Variants in ZZEF1 observed in about 807,000 individuals in gnomAD.
The protein encoded by ZZEF1 is zinc finger ZZ-type and EF-hand domain-containing protein 1.
Under a neutral mutation model 342.8 loss-of-function variants are expected in ZZEF1, and 157 were observed. That is an observed-to-expected ratio of 0.46 (90% CI 0.40 to 0.52). The LOEUF (loss-of-function observed/expected upper bound fraction) is 0.52. Ranked by LOEUF, ZZEF1 falls within the 20% of genes least tolerant of loss-of-function variation. The pLI is 0.00. For missense variants in ZZEF1, 3,480 were observed against 3,725.6 expected (o/e 0.93, Z 1.72); for synonymous variants, 1,505 against 1,429.1 (o/e 1.05, Z -1.20).
intron 1 of ZZEF1, among the ~76,000 whole-genome samples, chr17:4,138,412 A>T (rs551064571): frequency 4.6e-5 from 7 of 152,362 alleles, no homozygotes; most frequent in Admixed American, 2.6e-4. Flanking sequence ...AGAACCTTTT[A>T]AAGTTTTCAC....
chr17:4,015,219 G>A (rs1321963160), intron 49 of ZZEF1, among the ~76,000 whole-genome samples: 4 of 152,188 alleles, frequency 2.6e-5, no homozygotes, highest in Middle Eastern at 3.2e-3. Context: ...ACCTCTTTGG[G>A]ATCGAACCTG....
At chr17:4,090,876 T>C (rs2727075) in intron 11 of ZZEF1, 46 bp from the exon 12 acceptor site, 872,382 of 1,458,848 alleles carry the variant, frequency 0.6, 267,275 homozygotes, top group East Asian at 0.71. Flanking sequence ...TTGAAACTTC[T>C]CAAGGGTCTA....
At chr17:4,101,568 T>C (rs1219739905) in intron 9 of ZZEF1, among the ~76,000 whole-genome samples, 1 of 152,006 alleles carries the variant, frequency 6.6e-6, no homozygotes, top group African/African-American at 2.4e-5. Context: ...AGGAAAAGAG[T>C]GAGGCTTCCT....
chr17:4,048,690 G>A (rs909758825), intron 37 of ZZEF1, among the ~76,000 whole-genome samples: 4 of 152,058 alleles, frequency 2.6e-5, no homozygotes, highest in African/African-American at 4.8e-5. Context: ...CCGATACAGT[G>A]TACACCATGG....
At chr17:4,042,641 C>CAGGGGACAGTGCAG in intron 38 of ZZEF1, 73 bp from the exon 39 acceptor site, 3 of 1,444,022 alleles carry the variant, frequency 2.1e-6, no homozygotes, top group South Asian at 1.3e-5. Context: ...AACCACTGCA[C>CAGGGGACAGTGCAG]TGTCCCCTGT....
intron 17 of ZZEF1, among the ~76,000 whole-genome samples, chr17:4,081,814 T>C (rs941054250): frequency 1.8e-4 from 27 of 147,610 alleles, no homozygotes; most frequent in African/African-American, 5.7e-4. Flanking sequence ...GGCTAAACGT[T>C]CCTTGTGTCT....
rs182310858 is a variant in ZZEF1, at chr17:4,016,581, C to G, written c.8002-115G>C. ...TGCTGGCATCATCTTAGACCTAGGA[C>G]GAGCCTCTGTGACTCCACCACCCAA... On this transcript the variant is annotated intron_variant, in intron 48 of 54. Transcript: ENST00000381638. The surrounding 1 kb of genome is among the most constrained non-coding windows in gnomAD (Gnocchi z 4.4). 8 of 1,316,464 alleles carry G rather than the reference C, an allele frequency of 6.1e-6. No individual in the cohort carries two copies. In the African/African-American group the frequency reaches 7.4e-5, roughly 12 times the overall value. The allele number at this position is 1,316,464 out of a possible 1,614,324, so 81.5% of individuals were successfully genotyped here.
At chr17:4,051,926 A>G in intron 35 of ZZEF1, 45 bp downstream of exon 35, 1 of 1,557,898 alleles carries the variant, frequency 6.4e-7, no homozygotes, top group Admixed American at 2.0e-5. Context: ...AAGTGAAGGA[A>G]CGTGTAAATA....
Position 4,074,359 on chromosome 17 carries a change from C to CA in ZZEF1, c.3484-9dup. 3.7e-6 allele frequency: 6 copies of CA among 1,614,100 alleles called. No individual in the cohort carries two copies. Among genetic ancestry groups the CA allele is most frequent in the Non-Finnish European group, 5.1e-6 (6 of 1,180,026 alleles). On this transcript the variant is annotated splice_polypyrimidine_tract_variant and intron_variant, in intron 23 of 54. Coordinates refer to ENST00000381638, the MANE Select transcript of ZZEF1 (RefSeq NM_015113.4). Reference sequence around the variant, plus strand: ...GGCCTTGAAGGTCACTTTCTAGAGACAAACAGAAATCATGTGGTCAGACAG... The same window carrying CA: ...GGCCTTGAAGGTCACTTTCTAGAGACAAAACAGAAATCATGTGGTCAGACAG...
Position 4,074,985 on chromosome 17 carries a change from T to C in ZZEF1, c.3483+112A>G, listed in dbSNP as rs146254076. 725 of 1,067,094 alleles carry C rather than the reference T, an allele frequency of 6.8e-4. 1 individual carries two copies. Among genetic ancestry groups the C allele is most frequent in the Admixed American group, 2.4e-3 (107 of 45,346 alleles). 66.1% of individuals were successfully genotyped at this position (1,067,094 alleles called of 1,614,324 possible). On this transcript the variant is annotated intron_variant, in intron 23 of 54. Transcript: ENST00000381638. ...ATATAAATCCTTCCTTTCACAAACG[T>C]GTAACATAAATGCCTCCCTTCAAAG...
chr17:4,045,689 G>T (rs1275219996), intron 37 of ZZEF1, among the ~76,000 whole-genome samples: 1 of 152,134 alleles, frequency 6.6e-6, no homozygotes, highest in Non-Finnish European at 1.5e-5. Context: ...AACATGGAAG[G>T]TGTACATAAA....
intron 18 of ZZEF1, 114 bp downstream of exon 18, chr17:4,081,262 C>A (rs1024562657): frequency 2.6e-5 from 23 of 889,876 alleles, no homozygotes; most frequent in African/African-American, 1.3e-4. Context: ...ACAGAAAAAA[C>A]CACAACAAAG....
chr17:4,018,385 G>T (rs999459976), intron 46 of ZZEF1, among the ~76,000 whole-genome samples: 4 of 151,966 alleles, frequency 2.6e-5, no homozygotes, highest in Non-Finnish European at 2.9e-5. Context: ...TAGTAGCTGC[G>T]ATTACAGGCT....
intron 26 of ZZEF1, 133 bp downstream of exon 26, chr17:4,070,551 C>T: frequency 8.8e-7 from 1 of 1,137,474 alleles, no homozygotes; most frequent in African/African-American, 1.6e-5. Flanking sequence ...CAAAGTAGAA[C>T]CAACAAGATG....
chr17:4,039,479 A>G (rs2056751198), intron 39 of ZZEF1, among the ~76,000 whole-genome samples: 1 of 151,796 alleles, frequency 6.6e-6, no homozygotes, highest in South Asian at 2.1e-4. Context: ...CAAACAAACA[A>G]ACAAACAAAC....
intron 5 of ZZEF1, among the ~76,000 whole-genome samples, chr17:4,112,177 GCT>G (rs1555609433): frequency 6.8e-6 from 1 of 147,458 alleles, no homozygotes; most frequent in Non-Finnish European, 1.5e-5. Context: ...ATGGAGTCTT[GCT>G]CTGTCACCCA....
In ZZEF1 at chr17:4,046,380, C is replaced by A. The variant is rs529932702; in HGVS notation, c.6016-2006G>T. The stretch of plus-strand genomic sequence containing the variant: ...GTGCCTTTCCCTATTGTCACACAGG[C>A]TTATGTGTGGAACTGTGGCTACATG... On this transcript the variant is annotated intron_variant, in intron 37 of 54. Transcript: ENST00000381638. Among the ~76,000 whole-genome samples, 6 of 152,286 alleles carry A rather than the reference C, an allele frequency of 3.9e-5. No homozygotes were observed. In the South Asian group the frequency reaches 6.2e-4, roughly 16 times the overall value.
Position 4,049,866 on chromosome 17 carries a change from G to A in ZZEF1, c.5864-7C>T, listed in dbSNP as rs1452033816. The A allele has an allele frequency of 1.9e-6, 3 of 1,611,810 alleles. No homozygotes were observed. The highest frequency in any genetic ancestry group is 2.5e-6 in the Non-Finnish European group (3 of 1,179,324). ...AAAGCTAGAGCTTTAAGGCCTATGT[G>A]GGAAGCAAATCAGAGAATGGTTAGA... On this transcript the variant is annotated splice_polypyrimidine_tract_variant and splice_region_variant and intron_variant, in intron 36 of 54. Transcript: ENST00000381638.
rs755114090 is a variant in ZZEF1 at position 4,110,275 on chromosome 17, A to AT, written c.1067-413dup. Among the ~76,000 whole-genome samples, 10 of 152,314 alleles carry AT rather than the reference A, an allele frequency of 6.6e-5. No homozygotes were observed. The East Asian group carries it at 1.9e-3, about 29-fold the overall frequency. On this transcript the variant is annotated intron_variant, in intron 5 of 54. Transcript: ENST00000381638. ...GGCTTACAAGCAATTGTGAGAATTTATTTTTAATAATCAAATCCAAACAGA... is the reference window on the plus strand; with the variant it reads ...GGCTTACAAGCAATTGTGAGAATTTATTTTTTAATAATCAAATCCAAACAGA...
Sources: allele counts gnomAD v4.1 joint callset (sites outside exome capture counted in the v4.1 genomes callset), GRCh38; gene constraint gnomAD v4.1.1; non-coding constraint Gnocchi (gnomAD v3.1); transcripts MANE v1.5; gene names NCBI Gene and HGNC (gene_info 2026-07-23, HGNC 2026-07-21).